Variants in ADAMTS14 observed in about 807,000 individuals in gnomAD.
ADAMTS14 encodes the protein ADAM metallopeptidase with thrombospondin type 1 motif 14.
In ADAMTS14, 100 loss-of-function variants were observed where a neutral mutation model predicts 128.6. That is an observed-to-expected ratio of 0.78 (90% CI 0.66 to 0.92). The LOEUF is 0.92. Ranked by LOEUF, ADAMTS14 falls within the 40% of genes least tolerant of loss-of-function variation. ADAMTS14 has a pLI of 0.00. For missense variants in ADAMTS14, 1,562 were observed against 1,658.6 expected, an observed-to-expected ratio of 0.94 and a Z score of 1.01; for synonymous variants, 665 against 653.8, an observed-to-expected ratio of 1.02 and a Z score of -0.26.
intron 7 of ADAMTS14, 102 bp downstream of exon 7, chr10:70,732,461 T>C (rs1398412555): frequency 7.8e-6 from 8 of 1,023,396 alleles, no homozygotes; most frequent in Admixed American, 2.2e-5. Context: ...CTGGTTCCAG[T>C]GTCCTGGGAG....
intron 2 of ADAMTS14, among the ~76,000 whole-genome samples, chr10:70,687,325 G>A (rs79225538): frequency 2.0e-4 from 19 of 95,102 alleles, no homozygotes; most frequent in African/African-American, 5.9e-4. Flanking sequence ...GCGGCTGGCC[G>A]GGCGGGGGGC....
chr10:70,695,376 G>T (rs1840302432), intron 2 of ADAMTS14, among the ~76,000 whole-genome samples: 1 of 152,140 alleles, frequency 6.6e-6, no homozygotes, highest in Non-Finnish European at 1.5e-5. Flanking sequence ...GGGAGGAAGA[G>T]ATCTGGGTCA....
intron 2 of ADAMTS14, among the ~76,000 whole-genome samples, chr10:70,696,812 C>A (rs183698840): frequency 7.3e-4 from 111 of 152,220 alleles, no homozygotes; most frequent in African/African-American, 2.4e-3. Context: ...TGTGGTCTAG[C>A]CAAGGAGCGT....
intron 2 of ADAMTS14, among the ~76,000 whole-genome samples, chr10:70,701,512 C>T (rs116293456): frequency 0.024 from 3,599 of 152,248 alleles, 140 homozygotes; most frequent in African/African-American, 0.083. Flanking sequence ...TGTATGTGCA[C>T]GTGTGCATAT....
rs201943793 is a variant in ADAMTS14, at chr10:70,760,872, A to C, written c.*19A>C. ...GACATGAGCTGTGCCCTGCCATCCC[A>C]CTGGCACGTTTACACTCTGTGTACT... On this transcript the variant is annotated 3_prime_UTR_variant, in exon 22 of 22. Coordinates refer to ENST00000373207, the MANE Select transcript of ADAMTS14 (RefSeq NM_080722.4). 4 of 1,548,720 alleles carry C rather than the reference A, an allele frequency of 2.6e-6. No homozygotes were observed. Among genetic ancestry groups the C allele is most frequent in the African/African-American group, 2.7e-5 (2 of 73,358 alleles).
Position 70,740,837 on chromosome 10 carries a change from C to T in ADAMTS14, c.1749-150C>T, listed in dbSNP as rs947705012. ...CTTCAGCTGAGCTCCACAGCCCCCACCCTGGGAGCCATTCTCTGGTTTATG... is the reference window on the plus strand; with the variant it reads ...CTTCAGCTGAGCTCCACAGCCCCCATCCTGGGAGCCATTCTCTGGTTTATG... On this transcript the variant is annotated intron_variant, in intron 11 of 21. Transcript: ENST00000373207. 9 of 795,562 alleles carry T rather than the reference C, an allele frequency of 1.1e-5. No homozygotes were observed. In the African/African-American group the frequency reaches 1.6e-4, roughly 14 times the overall value. 49.3% of individuals were successfully genotyped at this position (795,562 alleles called of 1,614,324 possible).
chr10:70,735,603 G>A (rs1404392134), intron 9 of ADAMTS14, among the ~76,000 whole-genome samples: 12 of 152,230 alleles, frequency 7.9e-5, no homozygotes, highest in Admixed American at 7.2e-4. Context: ...CAGATAAGTT[G>A]TTGGGCTCTG....
In ADAMTS14 at chr10:70,686,215, G is replaced by A. The variant is rs116138911; in HGVS notation, c.522+11220G>A. 3.9e-3 allele frequency among the ~76,000 whole-genome samples: 591 copies of A among 151,262 alleles called. 9 individuals are homozygous for A. Among genetic ancestry groups the A allele is most frequent in the African/African-American group, 0.014 (564 of 41,238 alleles). ...AGGTGAGATCGTTTGTTAGGACCAAGTTGGTCTGAATGCAAACTCTGTTCC... is the reference window on the plus strand; with the variant it reads ...AGGTGAGATCGTTTGTTAGGACCAAATTGGTCTGAATGCAAACTCTGTTCC... On this transcript the variant is annotated intron_variant, in intron 2 of 21. Transcript: ENST00000373207.
Position 70,760,564 on chromosome 10 carries a change from C to A in ADAMTS14, c.3383C>A (p.Ala1128Glu). The change falls in exon 22 of 22, where the codon GCA becomes GAA. Residue 1128 changes from alanine (A) to glutamate (E), a missense_variant. By Grantham distance (107) the Ala-to-Glu change is moderately radical. Transcript: ENST00000373207. ...GSPLPGPQDP[A>E]DAAEPPGKPT... ...CCCTTACCAGGACCCCAGGACCCTG[C>A]AGATGCTGCAGAGCCTCCTGGAAAG... is the stretch of plus-strand genomic sequence containing the variant. 1 of 1,613,456 alleles carries A rather than the reference C, an allele frequency of 6.2e-7. No individual in the cohort carries two copies. Among genetic ancestry groups the A allele is most frequent in the South Asian group, 1.1e-5 (1 of 90,978 alleles).
intron 13 of ADAMTS14, 67 bp downstream of exon 13, chr10:70,743,748 C>A: frequency 6.8e-7 from 1 of 1,473,476 alleles, no homozygotes; most frequent in Non-Finnish European, 9.0e-7. Context: ...TGTAGCCCCT[C>A]CTGCCTGGGA....
Position 70,708,509 on chromosome 10 carries a change from A to G in ADAMTS14, c.680-79A>G. On this transcript the variant is annotated intron_variant, in intron 3 of 21. Coordinates refer to ENST00000373207, the MANE Select transcript of ADAMTS14 (RefSeq NM_080722.4). ...GGAAAGGGGCACCAGTGATGGGGAC[A>G]GAGGTGGGTGGTGGGCAATGTCACA... The G allele has an allele frequency of 3.8e-6, 5 of 1,305,028 alleles. No individual in the cohort carries two copies. In the East Asian group the frequency reaches 9.4e-5, roughly 25 times the overall value. The allele number at this position is 1,305,028 out of a possible 1,614,324, so 80.8% of individuals were successfully genotyped here. A position where few individuals can be genotyped will look rare whatever the true frequency, so the allele number is the denominator to read the frequency against.
Position 70,732,694 on chromosome 10 carries a change from G to A in ADAMTS14, c.1208+335G>A, listed in dbSNP as rs776738589. 7.0e-4 allele frequency among the ~76,000 whole-genome samples: 107 copies of A among 152,292 alleles called. No homozygotes were observed. In the Middle Eastern group the frequency reaches 0.017, roughly 24 times the overall value. Reference sequence around the variant, plus strand: ...CACACGCAGAGGCCTGCTCTCTCTGGGTGGTCTTGATCTCTGGCTTCCCTC... The same window carrying A: ...CACACGCAGAGGCCTGCTCTCTCTGAGTGGTCTTGATCTCTGGCTTCCCTC... On this transcript the variant is annotated intron_variant, in intron 7 of 21. Transcript: ENST00000373207.
intron 2 of ADAMTS14, among the ~76,000 whole-genome samples, chr10:70,694,701 T>C (rs1300769462): frequency 2.0e-5 from 3 of 152,240 alleles, no homozygotes; most frequent in African/African-American, 7.2e-5. Context: ...TCATGTAGCA[T>C]TTACCAGTAC....
intron 4 of ADAMTS14, among the ~76,000 whole-genome samples, chr10:70,716,977 C>T (rs1025518843): frequency 4.6e-5 from 7 of 152,180 alleles, no homozygotes; most frequent in Admixed American, 3.3e-4. Context: ...TCAGCCTTGT[C>T]GCACACGCTG....
At chr10:70,740,952 C>T in intron 11 of ADAMTS14, 35 bp from the exon 12 acceptor site, 1 of 1,604,952 alleles carries the variant, frequency 6.2e-7, no homozygotes, top group Non-Finnish European at 8.5e-7. Context: ...CCTTCCCAGC[C>T]AGCAAGGTCA....
intron 19 of ADAMTS14, 68 bp downstream of exon 19, chr10:70,754,075 C>T (rs1842423994): frequency 7.2e-7 from 1 of 1,396,808 alleles, no homozygotes; most frequent in East Asian, 2.5e-5. Flanking sequence ...TTTTGGTGTT[C>T]CCTGCAGGCA....
At chr10:70,742,814 A>G (rs919724242) in intron 12 of ADAMTS14, among the ~76,000 whole-genome samples, 1 of 152,228 alleles carries the variant, frequency 6.6e-6, no homozygotes, top group African/African-American at 2.4e-5. Context: ...TAGGATATCT[A>G]TAGCCCACAT....
rs201136495 is a variant in ADAMTS14 at position 70,691,497 on chromosome 10, A to AAAC, written c.523-10813_523-10812insCAA. Among the ~76,000 whole-genome samples the AAAC allele has an allele frequency of 2.8e-5, 4 of 142,328 alleles. 1 individual carries two copies. The highest frequency in any genetic ancestry group is 2.1e-4 in the Admixed American group (3 of 14,334). The allele number at this position is 142,328 out of a possible 152,430, so 93.4% of individuals were successfully genotyped here. On this transcript the variant is annotated intron_variant, in intron 2 of 21. Transcript: ENST00000373207. Reference sequence around the variant, plus strand: ...AGAGTGAGACCCTGTTAAAAAAAAAAAAAAAAAAAAAACAAAGAAAAAAAC... The same window carrying AAAC: ...AGAGTGAGACCCTGTTAAAAAAAAAAAACAAAAAAAAAAAACAAAGAAAAAAAC...
intron 7 of ADAMTS14, among the ~76,000 whole-genome samples, chr10:70,733,435 G>T (rs962674480): frequency 1.3e-5 from 2 of 152,234 alleles, no homozygotes; most frequent in African/African-American, 2.4e-5. Flanking sequence ...AAATGAGGTT[G>T]AGTTGAGTTG....
Sources: gnomAD v4.1 joint callset for allele counts (sites outside exome capture counted in the v4.1 genomes callset) on GRCh38, gnomAD v4.1.1 for gene constraint, MANE v1.5 for transcripts, NCBI Gene and HGNC (gene_info 2026-07-23, HGNC 2026-07-21) for gene names.